Variants in ARL13B observed in about 807,000 individuals in gnomAD.
ARL13B encodes ARF like GTPase 13B, also known as ADP-ribosylation factor-like protein 13B.
A neutral mutation model predicts 56.1 loss-of-function variants in ARL13B; 36 were observed. That is an observed-to-expected ratio of 0.64 (90% CI 0.49 to 0.85). The LOEUF (loss-of-function observed/expected upper bound fraction) is 0.85, where lower values mean the gene tolerates loss of function less well. Among genes scored for constraint, ARL13B ranks in the 40% least tolerant of loss-of-function variants. The pLI is 0.00. For synonymous variants in ARL13B, 178 were observed against 171.1 expected, an observed-to-expected ratio of 1.04 and a Z score of -0.32; for missense variants, 519 against 507.1, an observed-to-expected ratio of 1.02 and a Z score of -0.23.
intron 2 of ARL13B, among the ~76,000 whole-genome samples, chr3:93,997,448 C>A (rs1469575461): frequency 6.6e-6 from 1 of 152,196 alleles, no homozygotes; most frequent in Non-Finnish European, 1.5e-5. Flanking sequence ...TTTCTCACCT[C>A]AAATGCTACT....
At chr3:94,042,513 A>C (rs921846428) in intron 6 of ARL13B, among the ~76,000 whole-genome samples, 2 of 152,210 alleles carry the variant, frequency 1.3e-5, no homozygotes, top group African/African-American at 4.8e-5. Context: ...AGCATTTACT[A>C]TGTGTAAGGC....
chr3:94,020,363 T>C (rs2076421869), intron 3 of ARL13B, among the ~76,000 whole-genome samples: 1 of 152,228 alleles, frequency 6.6e-6, no homozygotes, highest in African/African-American at 2.4e-5. Context: ...GCTTTAGTAA[T>C]TGAACCATGT....
intron 5 of ARL13B, among the ~76,000 whole-genome samples, chr3:94,038,018 G>A (rs1333692147): frequency 6.6e-6 from 1 of 151,998 alleles, no homozygotes; most frequent in African/African-American, 2.4e-5. Flanking sequence ...TTCGGAGACG[G>A]GTGATTAAAA....
chr3:93,983,679 C>T (rs1710321496), intron 1 of ARL13B, among the ~76,000 whole-genome samples: 1 of 151,916 alleles, frequency 6.6e-6, no homozygotes, highest in African/African-American at 2.4e-5. Context: ...GTTTTTATTA[C>T]TAGGAAGATT....
intron 3 of ARL13B, chr3:94,015,333 C>G: frequency 7.1e-7 from 1 of 1,404,606 alleles, no homozygotes; most frequent in Admixed American, 2.5e-5. Context: ...GGTATTTTTC[C>G]CCAGTAGCAG....
At chr3:94,051,339 GAAGTA>G (rs781688826) in intron 9 of ARL13B, among the ~76,000 whole-genome samples, 3 of 152,014 alleles carry the variant, frequency 2.0e-5, no homozygotes, top group South Asian at 2.1e-4. Flanking sequence ...ACATTAAAGT[GAAGTA>G]AAGATCAACA....
intron 1 of ARL13B, among the ~76,000 whole-genome samples, chr3:93,988,147 G>A (rs1333978988): frequency 6.6e-6 from 1 of 151,696 alleles, no homozygotes; most frequent in African/African-American, 2.4e-5. Context: ...TAGGAAATCA[G>A]GACTTCTGTG....
At chr3:94,034,376 A>G (rs576687537) in intron 3 of ARL13B, among the ~76,000 whole-genome samples, 1 of 152,228 alleles carries the variant, frequency 6.6e-6, no homozygotes, top group East Asian at 1.9e-4. Context: ...TGAGCAAGGC[A>G]GTATTTTATT....
intron 7 of ARL13B, among the ~76,000 whole-genome samples, chr3:94,044,271 C>G (rs2076932873): frequency 6.7e-6 from 1 of 148,468 alleles, no homozygotes; most frequent in South Asian, 2.1e-4. Context: ...GCCGGCCGCC[C>G]TGTCTGGGAA....
rs1710129492 is a variant in ARL13B, at chr3:93,980,162, T to A, written c.-262T>A. ...TCAGCACGTCGACGCGGGGCTTTTC[T>A]TTAGCCGGGTCCCGCTAACTCGGCT... On this transcript the variant is annotated 5_prime_UTR_variant, in exon 1 of 10. Coordinates refer to ENST00000394222, the MANE Select transcript of ARL13B (RefSeq NM_001174150.2). 9.4e-6 allele frequency: 6 copies of A among 635,024 alleles called. 1 individual carries two copies. The Middle Eastern group carries it at 1.3e-3, about 133-fold the overall frequency. 39.3% of individuals were successfully genotyped at this position (635,024 alleles called of 1,614,324 possible).
At chr3:93,989,026 A>G (rs539205757) in intron 1 of ARL13B, 15 of 258,668 alleles carry the variant, frequency 5.8e-5, no homozygotes, top group African/African-American at 2.8e-4. Flanking sequence ...CTGCCTGGCT[A>G]CTGGCACTCC....
rs756975378 is a variant in ARL13B, at chr3:93,980,294, CCCTCCCGGCTTTT to C, written c.-122_-110del. The C allele has an allele frequency of 4.8e-6, 6 of 1,261,516 alleles. No homozygotes were observed. The highest frequency in any genetic ancestry group is 1.5e-5 in the African/African-American group (1 of 67,752). The allele number at this position is 1,261,516 out of a possible 1,614,324, so 78.1% of individuals were successfully genotyped here. A position where few individuals can be genotyped will look rare whatever the true frequency, so the allele number is the denominator to read the frequency against. ...GTGCTCGGGCCGGCCGCCTTCACTT[CCCTCCCGGCTTTT>C]CCTCCCGACTTATCCACTTTAGGGG... On this transcript the variant is annotated 5_prime_UTR_variant, in exon 1 of 10. Coordinates refer to ENST00000394222, the MANE Select transcript of ARL13B (RefSeq NM_001174150.2).
intron 5 of ARL13B, 47 bp downstream of exon 5, chr3:94,036,801 C>T (rs2076776955): frequency 6.4e-7 from 1 of 1,554,384 alleles, no homozygotes; most frequent in Non-Finnish European, 8.8e-7. Flanking sequence ...GGATCAAAAA[C>T]ATAACAATTT....
intron 1 of ARL13B, among the ~76,000 whole-genome samples, chr3:93,986,706 C>T (rs140474855): frequency 6.6e-6 from 1 of 152,238 alleles, no homozygotes; most frequent in African/African-American, 2.4e-5. Context: ...TGATGGCTCG[C>T]ACCTGTAATC....
intron 2 of ARL13B, 76 bp downstream of exon 2, chr3:93,996,020 A>T: frequency 7.0e-7 from 1 of 1,427,132 alleles, no homozygotes; most frequent in Non-Finnish European, 9.7e-7. Context: ...AAGTTGCTTT[A>T]TTCCTTATTA....
At chr3:94,014,370 T>C in intron 3 of ARL13B, 1 of 1,511,622 alleles carries the variant, frequency 6.6e-7, no homozygotes. Flanking sequence ...TGGAAAAAGT[T>C]TTAAAATAGC....
intron 9 of ARL13B, among the ~76,000 whole-genome samples, chr3:94,052,142 CTAA>C (rs943514923): frequency 2.0e-5 from 3 of 152,038 alleles, no homozygotes; most frequent in East Asian, 1.9e-4. Flanking sequence ...TGTTAGAAAA[CTAA>C]TGTTACTGTG....
At chr3:94,034,115 T>G (rs1406680882) in intron 3 of ARL13B, among the ~76,000 whole-genome samples, 1 of 152,114 alleles carries the variant, frequency 6.6e-6, no homozygotes, top group Non-Finnish European at 1.5e-5. Flanking sequence ...TACTGTTAAT[T>G]TTGTTAGGTG....
intron 3 of ARL13B, among the ~76,000 whole-genome samples, chr3:94,014,187 T>A (rs1343082059): frequency 6.6e-6 from 1 of 152,210 alleles, no homozygotes; most frequent in African/African-American, 2.4e-5. Context: ...GTACTTTAAT[T>A]AAATAAAAGT....
Sources: allele counts gnomAD v4.1 joint callset (sites outside exome capture counted in the v4.1 genomes callset), GRCh38; gene constraint gnomAD v4.1.1; transcripts MANE v1.5; gene names NCBI Gene and HGNC (gene_info 2026-07-23, HGNC 2026-07-21).